Variants in GTF2A1L observed in about 807,000 individuals in gnomAD.
GTF2A1L encodes general transcription factor IIA subunit 1 like.
Under a neutral mutation model 49.7 loss-of-function variants are expected in GTF2A1L, and 48 were observed. The observed-to-expected ratio is 0.97, with a 90% CI of 0.77 to 1.23. The LOEUF is 1.23. Ranked by LOEUF, GTF2A1L falls within the 50% of genes most tolerant of loss-of-function variation. The pLI, the probability that GTF2A1L is intolerant of heterozygous loss-of-function variation, is 0.00. For missense variants in GTF2A1L, 736 were observed against 564.8 expected (o/e 1.30, Z -3.07); for synonymous variants, 246 against 193.5 (o/e 1.27, Z -2.25).
intron 6 of GTF2A1L, chr2:48,668,569 C>A (rs1012035298): frequency 6.6e-6 from 1 of 152,280 alleles, no homozygotes; most frequent in Admixed American, 6.5e-5. Flanking sequence ...CAGTGACTTA[C>A]GCCTGTAATC....
chr2:48,620,612 T>C (rs1675931092), intron 1 of GTF2A1L, among the ~76,000 whole-genome samples: 2 of 151,916 alleles, frequency 1.3e-5, no homozygotes, highest in South Asian at 2.1e-4. Context: ...ACCCTGTCTC[T>C]CTAAAAATAC....
chr2:48,676,702 C>T (rs566755061), intron 8 of GTF2A1L, among the ~76,000 whole-genome samples: 1 of 151,522 alleles, frequency 6.6e-6, no homozygotes, highest in Non-Finnish European at 1.5e-5. Flanking sequence ...ATCTGTCAAT[C>T]TTTAATTTTA....
At chr2:48,626,485 T>C (rs373875153) in intron 3 of GTF2A1L, among the ~76,000 whole-genome samples, 2 of 144,868 alleles carry the variant, frequency 1.4e-5, no homozygotes, top group African/African-American at 4.9e-5. Flanking sequence ...ATTTTAATGA[T>C]ATCAGTTATT....
chr2:48,632,605 A>G (rs1484751152), intron 3 of GTF2A1L: 1 of 154,844 alleles, frequency 6.5e-6, no homozygotes, highest in Non-Finnish European at 1.4e-5. Flanking sequence ...TTAGTCTCCA[A>G]CTCCCAACCT....
intron 6 of GTF2A1L, 26 bp downstream of exon 6, chr2:48,647,068 G>C (rs747804156): frequency 1.9e-6 from 3 of 1,542,200 alleles, no homozygotes; most frequent in Non-Finnish European, 2.6e-6. Flanking sequence ...CAACTTCTTG[G>C]TATCAGGGGA....
At position 48,645,677 on chromosome 2, in the gene GTF2A1L, C is replaced by G. The variant is rs192615147; in HGVS notation, c.388+560C>G. 4.8e-3 allele frequency among the ~76,000 whole-genome samples: 733 copies of G among 152,300 alleles called. 6 individuals are homozygous for G. The highest frequency in any genetic ancestry group is 0.017 in the African/African-American group (702 of 41,550). On this transcript the variant is annotated intron_variant, in intron 5 of 8. Transcript: ENST00000403751. ...TAAGTCCTTTTTTTTGAGATGGAGT[C>G]TCGCTCTGTCGCCCACGCTGTAGTG...
intron 6 of GTF2A1L, among the ~76,000 whole-genome samples, chr2:48,650,643 CAG>C (rs983724840): frequency 3.9e-5 from 6 of 151,940 alleles, no homozygotes; most frequent in Admixed American, 2.0e-4. Flanking sequence ...ATATCAAAAT[CAG>C]AGATGTTTAA....
chr2:48,625,135 G>T (rs1235496279), intron 3 of GTF2A1L, among the ~76,000 whole-genome samples: 1 of 143,992 alleles, frequency 6.9e-6, no homozygotes, highest in Non-Finnish European at 1.6e-5. Flanking sequence ...AGGAATCTCT[G>T]CACAGTTTTA....
chr2:48,638,846 C>T (rs1304779077), intron 3 of GTF2A1L, among the ~76,000 whole-genome samples: 8 of 152,060 alleles, frequency 5.3e-5, no homozygotes, highest in Admixed American at 5.2e-4. Flanking sequence ...CCGAAAAGCT[C>T]CTTCAGGTGA....
In GTF2A1L at chr2:48,642,023, T is replaced by C. The variant is rs140387229; in HGVS notation, c.248-379T>C. ...TTGAACCTATACAATTTAGAATGGGTTTATGTTGGGTTAACATATTTATGC... is the reference window on the plus strand; with the variant it reads ...TTGAACCTATACAATTTAGAATGGGCTTATGTTGGGTTAACATATTTATGC... On this transcript the variant is annotated intron_variant, in intron 3 of 8. Coordinates refer to ENST00000403751, the MANE Select transcript of GTF2A1L (RefSeq NM_006872.5). Among the ~76,000 whole-genome samples the C allele has an allele frequency of 3.7e-3, 569 of 152,314 alleles. 1 individual carries two copies. The highest frequency in any genetic ancestry group is 6.2e-3 in the Non-Finnish European group (424 of 68,024).
chr2:48,624,738 T>C (rs773080936), intron 3 of GTF2A1L, among the ~76,000 whole-genome samples: 2 of 110,796 alleles, frequency 1.8e-5, no homozygotes, highest in African/African-American at 3.1e-5. Flanking sequence ...AACTGCTATT[T>C]TATTCTCTAT....
At chr2:48,647,885 G>A (rs940322099) in intron 6 of GTF2A1L, among the ~76,000 whole-genome samples, 1 of 152,086 alleles carries the variant, frequency 6.6e-6, no homozygotes, top group Non-Finnish European at 1.5e-5. Flanking sequence ...AATACATCTT[G>A]TGGCTAATTC....
At chr2:48,645,692 A>C (rs1558732456) in intron 5 of GTF2A1L, among the ~76,000 whole-genome samples, 1 of 152,216 alleles carries the variant, frequency 6.6e-6, no homozygotes, top group Non-Finnish European at 1.5e-5. Flanking sequence ...TCTGTCGCCC[A>C]CGCTGTAGTG....
At chr2:48,672,711 A>T (rs1679237700) in intron 8 of GTF2A1L, among the ~76,000 whole-genome samples, 1 of 152,336 alleles carries the variant, frequency 6.6e-6, no homozygotes. Flanking sequence ...AGCTGTGATT[A>T]TGTAGTCAAA....
chr2:48,663,010 T>G lies in GTF2A1L; in HGVS notation c.979-6712T>G, dbSNP rs1678604995. On this transcript the variant is annotated intron_variant, in intron 6 of 8. Transcript: ENST00000403751. The stretch of plus-strand genomic sequence containing the variant: ...AAATTATCTGTAAACTAAACCCCCG[T>G]GACACATAGTTTACCTACATAACAA... Among the ~76,000 whole-genome samples the G allele has an allele frequency of 3.9e-5, 6 of 152,176 alleles. No individual in the cohort carries two copies. The South Asian group carries it at 1.2e-3, about 32-fold the overall frequency.
intron 8 of GTF2A1L, among the ~76,000 whole-genome samples, chr2:48,675,713 A>G (rs1471521478): frequency 3.9e-5 from 6 of 152,010 alleles, no homozygotes; most frequent in Admixed American, 3.9e-4. Context: ...AACCATTTGA[A>G]TATCCTATAT....
chr2:48,676,223 A>G (rs1348388393), intron 8 of GTF2A1L, among the ~76,000 whole-genome samples: 1 of 151,918 alleles, frequency 6.6e-6, no homozygotes, highest in Non-Finnish European at 1.5e-5. Context: ...GCTGTATAAT[A>G]TCCTATTGTA....
chr2:48,669,205 A>G (rs930401217), intron 6 of GTF2A1L, among the ~76,000 whole-genome samples: 1 of 152,096 alleles, frequency 6.6e-6, no homozygotes, highest in African/African-American at 2.4e-5. Context: ...CATATCCCCT[A>G]GTAACCTCGA....
chr2:48,653,164 T>A (rs940003314), intron 6 of GTF2A1L, among the ~76,000 whole-genome samples: 7 of 142,562 alleles, frequency 4.9e-5, no homozygotes, highest in African/African-American at 1.9e-4. Context: ...GAGCTTGCAG[T>A]GACCCGAGAT....
Sources: allele counts gnomAD v4.1 joint callset (sites outside exome capture counted in the v4.1 genomes callset), GRCh38; gene constraint gnomAD v4.1.1; transcripts MANE v1.5; gene names NCBI Gene and HGNC (gene_info 2026-07-23, HGNC 2026-07-21).